The following DAB1 variants were observed in gnomAD, a reference collection of about 807,000 sequenced individuals.
DAB1 encodes disabled homolog 1.
In DAB1, 15 loss-of-function variants were observed where a neutral mutation model predicts 64.6. The ratio of observed to expected loss-of-function variants is 0.23; its 90% CI spans 0.16 to 0.36. The LOEUF (loss-of-function observed/expected upper bound fraction) is 0.36, where lower values mean the gene tolerates loss of function less well. Ranked by LOEUF, DAB1 falls within the 10% of genes least tolerant of loss-of-function variation. The probability of loss-of-function intolerance (pLI) is 1.00; values close to 1 mark genes in which losing one functional copy is unlikely to be tolerated. For synonymous variants in DAB1, 235 were observed against 251.9 expected, an observed-to-expected ratio of 0.93 and a Z score of 0.64; for missense variants, 596 against 706.7, an observed-to-expected ratio of 0.84 and a Z score of 1.78.
intron 5 of DAB1, among the ~76,000 whole-genome samples, chr1:58,104,723 T>C (rs1180934124): frequency 1.3e-5 from 2 of 152,148 alleles, no homozygotes; most frequent in Non-Finnish European, 2.9e-5. Context: ...TCACAAACAT[T>C]TGTATGCACA....
intron 5 of DAB1, among the ~76,000 whole-genome samples, chr1:58,129,727 T>C (rs1005857599): frequency 1.3e-4 from 19 of 151,026 alleles, no homozygotes; most frequent in African/African-American, 4.4e-4. Flanking sequence ...CCAGTAGTCA[T>C]TCAGGAGCAG....
intron 1 of DAB1, among the ~76,000 whole-genome samples, chr1:57,850,452 GTTTT>G (rs5774375): frequency 5.4e-5 from 8 of 147,096 alleles, no homozygotes; most frequent in Admixed American, 2.0e-4. Flanking sequence ...AGATAATGTA[GTTTT>G]TTTTTTTTTT....
intron 5 of DAB1, among the ~76,000 whole-genome samples, chr1:57,930,362 G>C (rs1394766606): frequency 6.6e-6 from 1 of 152,034 alleles, no homozygotes; most frequent in Non-Finnish European, 1.5e-5. Context: ...GGCTATTCTG[G>C]GTCTTTTGCC....
At chr1:57,768,494 T>C (rs1649418073) in intron 6 of DAB1, among the ~76,000 whole-genome samples, 1 of 150,976 alleles carries the variant, frequency 6.6e-6, no homozygotes, top group Non-Finnish European at 1.5e-5. Context: ...TTAAGAGGGA[T>C]TTACCTATAT....
intron 7 of DAB1, chr1:57,606,043 C>A (rs895534507): frequency 4.6e-5 from 28 of 610,374 alleles, no homozygotes; most frequent in Non-Finnish European, 7.8e-5. Flanking sequence ...GGTAGGTATT[C>A]AAACTGGTCC....
intron 5 of DAB1, among the ~76,000 whole-genome samples, chr1:58,074,580 A>ATATATATATACACATATATATATGTGTG (rs1649520429): frequency 8.1e-6 from 1 of 123,174 alleles, no homozygotes; most frequent in Non-Finnish European, 1.7e-5. Context: ...ATATATATAT[A>ATATATATATACACATATATATATGTGTG]TATATATATA....
At chr1:57,816,946 T>C (rs1286266695) in intron 6 of DAB1, among the ~76,000 whole-genome samples, 2 of 152,222 alleles carry the variant, frequency 1.3e-5, no homozygotes, top group Non-Finnish European at 2.9e-5. Context: ...TGTCCCCTTC[T>C]CACCTTCTCA....
intron 2 of DAB1, among the ~76,000 whole-genome samples, chr1:57,205,154 C>T (rs1203426788): frequency 6.6e-6 from 1 of 152,126 alleles, no homozygotes; most frequent in African/African-American, 2.4e-5. Flanking sequence ...AAGGGGAGGC[C>T]CATCTGTACC....
chr1:57,986,942 T>C (rs555237766), intron 5 of DAB1, among the ~76,000 whole-genome samples: 1 of 152,320 alleles, frequency 6.6e-6, no homozygotes, highest in African/African-American at 2.4e-5. Context: ...CCTTAATTCA[T>C]AGGTAAGTAT....
chr1:57,700,891 TCTGA>T (rs1646899236), intron 6 of DAB1, among the ~76,000 whole-genome samples: 1 of 152,184 alleles, frequency 6.6e-6, no homozygotes, highest in African/African-American at 2.4e-5. Flanking sequence ...CTTTTTTTCC[TCTGA>T]CTATGTATTT....
chr1:58,335,833 A>G (rs889937383), intron 4 of DAB1, among the ~76,000 whole-genome samples: 4 of 152,178 alleles, frequency 2.6e-5, no homozygotes, highest in South Asian at 2.1e-4. Context: ...TTTAGTAGAT[A>G]CGATCCAGTC....
intron 2 of DAB1, among the ~76,000 whole-genome samples, chr1:58,515,375 G>C (rs568220236): frequency 6.6e-6 from 1 of 152,156 alleles, no homozygotes; most frequent in South Asian, 2.1e-4. Context: ...TCAATTTTCT[G>C]CATCTTTTGA....
intron 2 of DAB1, among the ~76,000 whole-genome samples, chr1:57,250,292 ATCTG>A (rs1292937919): frequency 6.6e-6 from 1 of 152,172 alleles, no homozygotes; most frequent in Non-Finnish European, 1.5e-5. Context: ...CTGTACGCCA[ATCTG>A]TCTATGTCTG....
chr1:57,609,280 C>T (rs921118802), intron 7 of DAB1, among the ~76,000 whole-genome samples: 1 of 152,144 alleles, frequency 6.6e-6, no homozygotes, highest in East Asian at 1.9e-4. Context: ...GTGTACTGAA[C>T]ATATGCAGAC....
At chr1:57,971,023 C>G (rs1357367554) in intron 5 of DAB1, among the ~76,000 whole-genome samples, 1 of 152,170 alleles carries the variant, frequency 6.6e-6, no homozygotes, top group Non-Finnish European at 1.5e-5. Flanking sequence ...TTCTTTGAAT[C>G]AGTTTGATCC....
chr1:58,380,879 A>G (rs1463769343), intron 3 of DAB1, among the ~76,000 whole-genome samples: 3 of 152,228 alleles, frequency 2.0e-5, no homozygotes, highest in Non-Finnish European at 2.9e-5. Flanking sequence ...TAGCAAAGAC[A>G]TGAAATCAAC....
At chr1:57,479,619 T>C (rs1302387355) in intron 7 of DAB1, among the ~76,000 whole-genome samples, 1 of 152,144 alleles carries the variant, frequency 6.6e-6, no homozygotes, top group Non-Finnish European at 1.5e-5. Context: ...ATACTCCATG[T>C]CAGCTGGGGC....
chr1:58,347,874 A>G (rs1266697288), intron 3 of DAB1, among the ~76,000 whole-genome samples: 3 of 152,134 alleles, frequency 2.0e-5, no homozygotes, highest in Non-Finnish European at 2.9e-5. Context: ...CTAGCTCCCA[A>G]CAGTCAGCCC....
intron 7 of DAB1, among the ~76,000 whole-genome samples, chr1:57,605,429 C>T (rs1264998391): frequency 3.3e-5 from 5 of 152,104 alleles, no homozygotes; most frequent in African/African-American, 1.2e-4. Flanking sequence ...AGGGTCTGGC[C>T]CTTCAAGGAC....
Sources: allele counts gnomAD v4.1 joint callset (sites outside exome capture counted in the v4.1 genomes callset), GRCh38; gene constraint gnomAD v4.1.1; transcripts MANE v1.5; gene names NCBI Gene and HGNC (gene_info 2026-07-23, HGNC 2026-07-21).